TMTC2: variants seen among roughly 807,000 people sequenced by gnomAD.
TMTC2 encodes transmembrane O-mannosyltransferase targeting cadherins 2.
A neutral mutation model predicts 82.4 loss-of-function variants in TMTC2; 43 were observed. The observed-to-expected ratio is 0.52, with a 90% confidence interval of 0.41 to 0.67. The LOEUF (loss-of-function observed/expected upper bound fraction) is 0.67. TMTC2 is among the 30% of genes least tolerant of loss of function. TMTC2 has a pLI of 0.00. For missense variants in TMTC2, 919 were observed against 1,012.4 expected (o/e 0.91, Z 1.25); for synonymous variants, 408 against 381.9 (o/e 1.07, Z -0.80).
chr12:83,049,076 A>C (rs1156315690), intron 9 of TMTC2, among the ~76,000 whole-genome samples: 1 of 152,146 alleles, frequency 6.6e-6, no homozygotes, highest in Non-Finnish European at 1.5e-5. Flanking sequence ...TAAACAGTAA[A>C]TAATGGGCTC....
rs139458562 is a variant in TMTC2 at position 82,967,569 on chromosome 12, A to G, written c.1948+572A>G. On this transcript the variant is annotated intron_variant, in intron 7 of 11. Coordinates refer to ENST00000321196, the MANE Select transcript of TMTC2 (RefSeq NM_152588.3). ...CAAGAATGAGAAATTATAATAAAAT[A>G]TCTATCATCTGTGATTGATCCTTGT... is the stretch of plus-strand genomic sequence containing the variant. 5.8e-3 allele frequency among the ~76,000 whole-genome samples: 878 copies of G among 152,162 alleles called. 22 individuals are homozygous for G. Among genetic ancestry groups the G allele is most frequent in the Admixed American group, 0.044 (674 of 15,270 alleles).
chr12:82,699,017 A>G (rs1872946244), intron 1 of TMTC2, among the ~76,000 whole-genome samples: 1 of 152,072 alleles, frequency 6.6e-6, no homozygotes, highest in Admixed American at 6.6e-5. Context: ...TCCTTTTAAT[A>G]TTTTTGGACC....
At chr12:82,695,731 G>A (rs974500242) in intron 1 of TMTC2, among the ~76,000 whole-genome samples, 4 of 152,170 alleles carry the variant, frequency 2.6e-5, no homozygotes, top group Non-Finnish European at 5.9e-5. Context: ...TCCTCTGCGG[G>A]GGGTGCTTTA....
intron 11 of TMTC2, among the ~76,000 whole-genome samples, chr12:83,113,022 C>T (rs1884645427): frequency 6.6e-6 from 1 of 152,204 alleles, no homozygotes; most frequent in South Asian, 2.1e-4. Flanking sequence ...GTTCTGCCTT[C>T]TTTTTCAAGT....
intron 4 of TMTC2, among the ~76,000 whole-genome samples, chr12:82,937,147 A>G (rs1343043578): frequency 1.3e-5 from 2 of 152,216 alleles, no homozygotes; most frequent in African/African-American, 2.4e-5. Context: ...TAGGACTGCT[A>G]TAATAAAAAT....
chr12:83,083,663 A>C (rs1883550530), intron 11 of TMTC2, among the ~76,000 whole-genome samples: 1 of 152,186 alleles, frequency 6.6e-6, no homozygotes, highest in African/African-American at 2.4e-5. Context: ...TCTCTGTGCC[A>C]ACTTCTTGTG....
chr12:83,096,667 G>C (rs891957766), intron 11 of TMTC2, among the ~76,000 whole-genome samples: 1 of 152,088 alleles, frequency 6.6e-6, no homozygotes, highest in Non-Finnish European at 1.5e-5. Context: ...TAGAACAGCA[G>C]GAGAAAGACT....
intron 11 of TMTC2, among the ~76,000 whole-genome samples, chr12:83,118,217 G>A (rs1260148602): frequency 6.6e-6 from 1 of 152,106 alleles, no homozygotes; most frequent in African/African-American, 2.4e-5. Flanking sequence ...TTAAAGAAGA[G>A]CAGTGAGAGT....
intron 1 of TMTC2, among the ~76,000 whole-genome samples, chr12:82,778,467 G>A (rs1877709662): frequency 3.9e-5 from 6 of 152,100 alleles, no homozygotes; most frequent in Admixed American, 3.9e-4. Context: ...TGTAATCCCA[G>A]CACTTTGGGA....
intron 1 of TMTC2, among the ~76,000 whole-genome samples, chr12:82,832,702 G>A (rs1245528096): frequency 6.6e-6 from 1 of 152,152 alleles, no homozygotes; most frequent in Non-Finnish European, 1.5e-5. Context: ...TGTGCCAGTG[G>A]CGACTACTAA....
At chr12:82,815,698 G>T (rs1461667256) in intron 1 of TMTC2, among the ~76,000 whole-genome samples, 1 of 151,930 alleles carries the variant, frequency 6.6e-6, no homozygotes, top group Non-Finnish European at 1.5e-5. Context: ...TAAGAAGCAG[G>T]AATGAAAGTT....
chr12:82,973,134 T>G (rs565505810), intron 7 of TMTC2, among the ~76,000 whole-genome samples: 27 of 152,190 alleles, frequency 1.8e-4, no homozygotes, highest in Non-Finnish European at 3.4e-4. Context: ...AGCGTTAAGC[T>G]TTTTATACCA....
intron 11 of TMTC2, among the ~76,000 whole-genome samples, chr12:83,101,164 T>C (rs962631617): frequency 3.9e-5 from 6 of 152,342 alleles, no homozygotes; most frequent in Admixed American, 2.6e-4. Flanking sequence ...AAAATTACAA[T>C]TGAGCACTTG....
intron 8 of TMTC2, among the ~76,000 whole-genome samples, chr12:83,022,654 T>G (rs1880987381): frequency 6.6e-6 from 1 of 150,852 alleles, no homozygotes; most frequent in Non-Finnish European, 1.5e-5. Flanking sequence ...ACTTTGACCA[T>G]TAGCGTAGTA....
In TMTC2 at chr12:82,964,928, GTTAACCAT is replaced by G. The variant is rs1878118990; in HGVS notation, c.1599-93_1599-86del. The G allele has an allele frequency of 1.8e-5, 13 of 716,254 alleles. No homozygotes were observed. In the South Asian group the frequency reaches 3.0e-4, roughly 17 times the overall value. The allele number at this position is 716,254 out of a possible 1,614,324, so 44.4% of individuals were successfully genotyped here. On this transcript the variant is annotated intron_variant, in intron 4 of 11. Transcript: ENST00000321196. ...ACCAGGTTAGCATTTTTACTGTGCT[GTTAACCAT>G]TTTTATTTTTGGAATATAAAATAAA... is the stretch of plus-strand genomic sequence containing the variant.
At chr12:83,126,686 A>G (rs532635801) in intron 11 of TMTC2, among the ~76,000 whole-genome samples, 3 of 152,112 alleles carry the variant, frequency 2.0e-5, no homozygotes, top group Non-Finnish European at 4.4e-5. Context: ...GTGGGGGGGC[A>G]AGGAATCCAA....
chr12:83,097,538 G>T (rs1054799773), intron 11 of TMTC2, among the ~76,000 whole-genome samples: 1 of 152,090 alleles, frequency 6.6e-6, no homozygotes, highest in South Asian at 2.1e-4. Flanking sequence ...CCTGTTCACT[G>T]TCAACACTGC....
chr12:82,898,060 C>T (rs1283534918), intron 3 of TMTC2, among the ~76,000 whole-genome samples: 1 of 152,168 alleles, frequency 6.6e-6, no homozygotes, highest in Non-Finnish European at 1.5e-5. Context: ...TGAGCAACTA[C>T]ACATTTCTTT....
intron 1 of TMTC2, among the ~76,000 whole-genome samples, chr12:82,746,682 A>AG (rs1243617695): frequency 6.6e-6 from 1 of 152,230 alleles, no homozygotes; most frequent in African/African-American, 2.4e-5. Flanking sequence ...GTTGGCCTTA[A>AG]GATATGGTGA....
Sources: gnomAD v4.1 joint callset for allele counts (sites outside exome capture counted in the v4.1 genomes callset) on GRCh38, gnomAD v4.1.1 for gene constraint, MANE v1.5 for transcripts, NCBI Gene and HGNC (gene_info 2026-07-23, HGNC 2026-07-21) for gene names.